ABLIM3: variants seen among roughly 807,000 people sequenced by gnomAD.
The protein encoded by ABLIM3 is actin-binding LIM protein 3.
In ABLIM3, 61 loss-of-function variants were observed where a neutral mutation model predicts 109.5. The ratio of observed to expected loss-of-function variants is 0.56; its 90% confidence interval spans 0.45 to 0.69. ABLIM3 has a LOEUF of 0.69. Ranked by LOEUF, ABLIM3 falls within the 30% of genes least tolerant of loss-of-function variation. The probability of loss-of-function intolerance (pLI) is 0.00; values close to 1 mark genes in which losing one functional copy is unlikely to be tolerated. For missense variants in ABLIM3, 796 were observed against 889.5 expected (o/e 0.89, Z 1.34); for synonymous variants, 300 against 324.8 (o/e 0.92, Z 0.82).
intron 23 of ABLIM3, among the ~76,000 whole-genome samples, chr5:149,255,202 A>G (rs1442941794): frequency 1.3e-5 from 2 of 152,098 alleles, no homozygotes; most frequent in Admixed American, 6.5e-5. Context: ...TGCTGCCTCC[A>G]CTCTCTTCCA....
intron 8 of ABLIM3, among the ~76,000 whole-genome samples, chr5:149,226,280 T>A (rs1002262770): frequency 1.3e-5 from 2 of 151,648 alleles, no homozygotes; most frequent in Admixed American, 6.6e-5. Context: ...GGTCAGGATA[T>A]CGAGACCATC....
At chr5:149,232,829 T>C (rs1761989148) in intron 9 of ABLIM3, among the ~76,000 whole-genome samples, 1 of 152,354 alleles carries the variant, frequency 6.6e-6, no homozygotes, top group African/African-American at 2.4e-5. Context: ...AATCAGCATA[T>C]TGTGCAATTA....
At chr5:149,154,050 C>T (rs1753666982) in intron 2 of ABLIM3, among the ~76,000 whole-genome samples, 1 of 152,248 alleles carries the variant, frequency 6.6e-6, no homozygotes, top group African/African-American at 2.4e-5. Flanking sequence ...CCTCACCAGG[C>T]CAGCAGGGCC....
intron 15 of ABLIM3, 98 bp from the exon 16 acceptor site, chr5:149,244,783 C>T: frequency 6.7e-7 from 1 of 1,497,108 alleles, no homozygotes; most frequent in Non-Finnish European, 9.2e-7. Flanking sequence ...AGTGGACTCA[C>T]TCCCCTGGGC....
chr5:149,179,071 T>G (rs1394512025), intron 2 of ABLIM3, among the ~76,000 whole-genome samples: 1 of 152,204 alleles, frequency 6.6e-6, no homozygotes, highest in Non-Finnish European at 1.5e-5. Flanking sequence ...TCAACTCCCA[T>G]GCTCCTTTTC....
rs1754671035 is a variant in ABLIM3, at chr5:149,258,792, A to G, written c.*388A>G. On this transcript the variant is annotated 3_prime_UTR_variant, in exon 24 of 24. Coordinates refer to ENST00000309868, the MANE Select transcript of ABLIM3 (RefSeq NM_014945.5). The stretch of plus-strand genomic sequence containing the variant: ...GGCTGATGCTGACCATGTGGTTTCC[A>G]CACCTTATTGGCCCCAGAGGGGCCC... 4 of 993,946 alleles carry G rather than the reference A, an allele frequency of 4.0e-6. No individual in the cohort carries two copies. The African/African-American group carries it at 7.0e-5, about 17-fold the overall frequency. The allele number at this position is 993,946 out of a possible 1,614,324, so 61.6% of individuals were successfully genotyped here.
At chr5:149,213,116 C>G (rs1280581599) in intron 7 of ABLIM3, among the ~76,000 whole-genome samples, 1 of 151,922 alleles carries the variant, frequency 6.6e-6, no homozygotes, top group Non-Finnish European at 1.5e-5. Context: ...CTGTCCGAGG[C>G]AAGAAAAATG....
intron 11 of ABLIM3, among the ~76,000 whole-genome samples, chr5:149,239,032 T>C (rs756790807): frequency 4.6e-5 from 7 of 152,164 alleles, no homozygotes; most frequent in Non-Finnish European, 8.8e-5. Flanking sequence ...GGTTTTTCCC[T>C]TCCTAAAAGG....
intron 18 of ABLIM3, among the ~76,000 whole-genome samples, chr5:149,249,529 C>T (rs949258361): frequency 1.1e-4 from 16 of 152,196 alleles, no homozygotes; most frequent in African/African-American, 3.9e-4. Flanking sequence ...TGCAGTGCAC[C>T]AGTGCTGTTT....
chr5:149,173,879 G>C (rs937346429), intron 2 of ABLIM3, among the ~76,000 whole-genome samples: 1 of 151,966 alleles, frequency 6.6e-6, no homozygotes, highest in African/African-American at 2.4e-5. Context: ...AAAATTAGCC[G>C]GACGTCGTGG....
intron 5 of ABLIM3, among the ~76,000 whole-genome samples, chr5:149,206,670 C>T (rs1487067399): frequency 2.0e-5 from 3 of 152,124 alleles, no homozygotes; most frequent in Admixed American, 6.5e-5. Flanking sequence ...GTGATGCTGA[C>T]GCTGCAGATG....
chr5:149,200,507 T>A, intron 5 of ABLIM3, 79 bp downstream of exon 5: 1 of 1,455,074 alleles, frequency 6.9e-7, no homozygotes, highest in South Asian at 1.2e-5. Context: ...TGCCAACTGC[T>A]CCCACGGGCC....
rs529387612 is a variant in ABLIM3 at position 149,168,977 on chromosome 5, C to T, written c.14-14475C>T. ...TGTATTTTAACAATCCCGCTCCCCA[C>T]CCCGGTGATTCTGAAGCAGGTGATA... On this transcript the variant is annotated intron_variant, in intron 2 of 23. Coordinates refer to ENST00000309868, the MANE Select transcript of ABLIM3 (RefSeq NM_014945.5). Among the ~76,000 whole-genome samples the T allele has an allele frequency of 1.0e-4, 15 of 150,480 alleles. No homozygotes were observed. In the East Asian group the frequency reaches 3.0e-3, roughly 30 times the overall value.
intron 1 of ABLIM3, 114 bp from the exon 2 acceptor site, chr5:149,141,895 A>T: frequency 1.4e-6 from 1 of 717,604 alleles, no homozygotes; most frequent in Non-Finnish European, 2.4e-6. Context: ...TGCGCCTATT[A>T]GTCCACGCGC....
At chr5:149,184,219 A>C (rs1258909802) in intron 3 of ABLIM3, among the ~76,000 whole-genome samples, 2 of 152,136 alleles carry the variant, frequency 1.3e-5, no homozygotes, top group Non-Finnish European at 2.9e-5. Flanking sequence ...TGGCTGAAAG[A>C]GCACAGAGAG....
chr5:149,254,509 AC>A (rs1754254927), intron 23 of ABLIM3, among the ~76,000 whole-genome samples: 3 of 151,960 alleles, frequency 2.0e-5, no homozygotes, highest in Admixed American at 2.0e-4. Flanking sequence ...GAGGCTCAGC[AC>A]CCCTCAGGAA....
At chr5:149,203,990 A>G (rs1758731613) in intron 5 of ABLIM3, among the ~76,000 whole-genome samples, 1 of 152,226 alleles carries the variant, frequency 6.6e-6, no homozygotes, top group Non-Finnish European at 1.5e-5. Flanking sequence ...GTCTGGCCTT[A>G]GATCCTATTC....
intron 5 of ABLIM3, among the ~76,000 whole-genome samples, chr5:149,205,764 C>T (rs951606500): frequency 2.0e-5 from 3 of 152,194 alleles, no homozygotes; most frequent in Admixed American, 6.5e-5. Context: ...CTGCCCCCAA[C>T]TTGTACTAAG....
rs1754705236 is a variant in ABLIM3, at chr5:149,259,270, C to T, written c.*866C>T. 2.3e-6 allele frequency: 3 copies of T among 1,327,694 alleles called. No homozygotes were observed. Among genetic ancestry groups the T allele is most frequent in the East Asian group, 6.2e-5 (2 of 32,180 alleles). The allele number at this position is 1,327,694 out of a possible 1,614,324, so 82.2% of individuals were successfully genotyped here. ...GCTCCCAGCACCTCCTGACCCTTCC[C>T]TCTTTCAAGGAGAAGCCCATGATTG... On this transcript the variant is annotated 3_prime_UTR_variant, in exon 24 of 24. Coordinates refer to ENST00000309868, the MANE Select transcript of ABLIM3 (RefSeq NM_014945.5).
Sources: allele counts gnomAD v4.1 joint callset (sites outside exome capture counted in the v4.1 genomes callset), GRCh38; gene constraint gnomAD v4.1.1; transcripts MANE v1.5; gene names NCBI Gene and HGNC (gene_info 2026-07-23, HGNC 2026-07-21).